The following SLC37A2 variants were observed in gnomAD, a reference collection of about 807,000 sequenced individuals.
The protein encoded by SLC37A2 is glucose-6-phosphate exchanger SLC37A2.
Under a neutral mutation model 70.7 loss-of-function variants are expected in SLC37A2, and 59 were observed. The observed-to-expected ratio is 0.83, with a 90% CI of 0.68 to 1.04. The LOEUF (loss-of-function observed/expected upper bound fraction) is 1.04, where lower values mean the gene tolerates loss of function less well. Among genes scored for constraint, SLC37A2 ranks in the 50% least tolerant of loss-of-function variants. SLC37A2 has a pLI of 0.00. For synonymous variants in SLC37A2, 257 were observed against 262.1 expected, an observed-to-expected ratio of 0.98 and a Z score of 0.19; for missense variants, 580 against 658.1, an observed-to-expected ratio of 0.88 and a Z score of 1.30.
intron 1 of SLC37A2, among the ~76,000 whole-genome samples, chr11:125,072,531 C>T (rs550898670): frequency 6.6e-6 from 1 of 152,234 alleles, no homozygotes; most frequent in East Asian, 1.9e-4. Flanking sequence ...CTGCCATCCC[C>T]CCGTCACAGC....
In SLC37A2 at chr11:125,088,517, T is replaced by C; in HGVS notation, c.*383T>C. On this transcript the variant is annotated 3_prime_UTR_variant, in exon 18 of 18. Transcript: ENST00000403796. ...CATCTCTCCTTCCCATGTTAAGCTTTAACCTCTGTAATCTGCCTGTATCTA... is the reference window on the plus strand; with the variant it reads ...CATCTCTCCTTCCCATGTTAAGCTTCAACCTCTGTAATCTGCCTGTATCTA... 5.0e-6 allele frequency: 1 copy of C among 199,840 alleles called. No individual in the cohort carries two copies. The highest frequency in any genetic ancestry group is 5.6e-5 in the Admixed American group (1 of 17,758). The allele number at this position is 199,840 out of a possible 1,614,324, so 12.4% of individuals were successfully genotyped here.
At position 125,070,512 on chromosome 11, in the gene SLC37A2, C is replaced by G. The variant is rs1949019575; in HGVS notation, c.60-6245C>G. ...CCAAGGTCACATTAAGTGGCAGAAC[C>G]AGAAATTAGGACTCAGCCAATTTTG... On this transcript the variant is annotated intron_variant, in intron 1 of 17. Coordinates refer to ENST00000403796, the MANE Select transcript of SLC37A2 (RefSeq NM_001145290.2). Among the ~76,000 whole-genome samples the G allele has an allele frequency of 3.3e-5, 5 of 152,296 alleles. No homozygotes were observed. In the South Asian group the frequency reaches 1.0e-3, roughly 32 times the overall value.
chr11:125,063,324 G>C lies in SLC37A2; in HGVS notation c.-44G>C. 1 of 1,565,520 alleles carries C rather than the reference G, an allele frequency of 6.4e-7. No homozygotes were observed. The highest frequency in any genetic ancestry group is 8.7e-7 in the Non-Finnish European group (1 of 1,143,110). ...CAGCCCGGGACACGCGCCCAGCTCT[G>C]TAGCCTCCTCCGTCGACTCAGCCTT... On this transcript the variant is annotated 5_prime_UTR_variant, in exon 1 of 18. Coordinates refer to ENST00000403796, the MANE Select transcript of SLC37A2 (RefSeq NM_001145290.2). The surrounding 1 kb of genome is among the most constrained non-coding windows in gnomAD (Gnocchi z 5.4).
Position 125,063,677 on chromosome 11 carries a change from T to C in SLC37A2, c.59+251T>C, listed in dbSNP as rs1948953514. 6.6e-6 allele frequency among the ~76,000 whole-genome samples: 1 copy of C among 152,190 alleles called. No homozygotes were observed. The highest frequency in any genetic ancestry group is 2.1e-4 in the South Asian group (1 of 4,834). On this transcript the variant is annotated intron_variant, in intron 1 of 17. Transcript: ENST00000403796. The surrounding 1 kb of genome is among the most constrained non-coding windows in gnomAD (Gnocchi z 5.4). The stretch of plus-strand genomic sequence containing the variant: ...TCGGTGACACTGGGGAAGAACAGGC[T>C]GCCAGGGAGGGTCTCCATCGTTTCC...
intron 2 of SLC37A2, 57 bp downstream of exon 2, chr11:125,076,895 A>C: frequency 6.4e-7 from 1 of 1,562,512 alleles, no homozygotes; most frequent in Non-Finnish European, 8.8e-7. Flanking sequence ...AACCGTCCTT[A>C]CCCCTTCCCA....
intron 4 of SLC37A2, among the ~76,000 whole-genome samples, chr11:125,078,123 C>T (rs1035998890): frequency 1.3e-5 from 2 of 152,148 alleles, no homozygotes; most frequent in Non-Finnish European, 2.9e-5. Flanking sequence ...ATGCAAGGGA[C>T]TTGGGTGCGG....
intron 10 of SLC37A2, 80 bp downstream of exon 10, chr11:125,082,414 T>C: frequency 8.6e-7 from 1 of 1,167,760 alleles, no homozygotes; most frequent in Admixed American, 1.7e-5. Context: ...CCCGTCGTGG[T>C]GATGCCTGTG....
Position 125,079,716 on chromosome 11 carries a change from G to A in SLC37A2, c.483G>A (p.Trp161Ter). The A allele has an allele frequency of 6.2e-7, 1 of 1,609,382 alleles. No homozygotes were observed. Among genetic ancestry groups the A allele is most frequent in the Non-Finnish European group, 8.5e-7 (1 of 1,177,828 alleles). Residue 161 changes from tryptophan to a stop codon, truncating the protein, a stop_gained, in exon 6 of 18, where the codon TGG (tryptophan) becomes TGA (stop). Coordinates refer to ENST00000403796, the MANE Select transcript of SLC37A2 (RefSeq NM_001145290.2). LOFTEE classifies it high-confidence loss of function. ...VCNGLVQTTG[W>*]PSVVTCVGNW... ...ATGGACTCGTCCAGACCACAGGCTG[G>A]CCCTCTGTGGTGACCTGTGTTGGCA...
At chr11:125,064,521 C>T (rs116519042) in intron 1 of SLC37A2, among the ~76,000 whole-genome samples, 4,308 of 152,236 alleles carry the variant, frequency 0.028, 204 homozygotes, top group African/African-American at 0.098. Context: ...TGTCGGCAAC[C>T]CTCTCAATCC....
At chr11:125,073,229 G>A (rs1949047997) in intron 1 of SLC37A2, among the ~76,000 whole-genome samples, 1 of 152,160 alleles carries the variant, frequency 6.6e-6, no homozygotes, top group Admixed American at 6.5e-5. Flanking sequence ...CCCCGGGGCT[G>A]GAGTCTCCCC....
At chr11:125,086,583 C>G in intron 17 of SLC37A2, 2 of 367,710 alleles carry the variant, frequency 5.4e-6, no homozygotes, top group Non-Finnish European at 1.0e-5. Context: ...GTTCAGAAAC[C>G]AAGGTCATCT....
chr11:125,086,133 G>C, intron 17 of SLC37A2, 115 bp downstream of exon 17: 3 of 1,528,088 alleles, frequency 2.0e-6, no homozygotes, highest in Non-Finnish European at 2.7e-6. Flanking sequence ...GACCTGAGGA[G>C]CACTGAGCCA....
rs1948951614 is a variant in SLC37A2, at chr11:125,063,520, C to T, written c.59+94C>T. On this transcript the variant is annotated intron_variant, in intron 1 of 17. Transcript: ENST00000403796. The surrounding 1 kb of genome is among the most constrained non-coding windows in gnomAD (Gnocchi z 5.4). Reference sequence around the variant, plus strand: ...GCCTCGGAGATCACCCCAGATCGGCCCCGGCGTCGCCGCGTGGCCAGGGGT... The same window carrying T: ...GCCTCGGAGATCACCCCAGATCGGCTCCGGCGTCGCCGCGTGGCCAGGGGT... 2.5e-6 allele frequency: 3 copies of T among 1,201,632 alleles called. No homozygotes were observed. Among genetic ancestry groups the T allele is most frequent in the Non-Finnish European group, 3.5e-6 (3 of 860,052 alleles). 74.4% of individuals were successfully genotyped at this position (1,201,632 alleles called of 1,614,324 possible).
chr11:125,089,367 C>G lies in SLC37A2; in HGVS notation c.*1233C>G, dbSNP rs1308455446. The G allele has an allele frequency of 6.4e-6, 1 of 155,546 alleles. No individual in the cohort carries two copies. The highest frequency in any genetic ancestry group is 1.9e-4 in the East Asian group (1 of 5,318). The allele number at this position is 155,546 out of a possible 1,614,324, so 9.6% of individuals were successfully genotyped here. A position where few individuals can be genotyped will look rare whatever the true frequency, so the allele number is the denominator to read the frequency against. ...CACAGCCCTCGCTCGCTCTCGGCGCCTCCTCTGCCTGGGCTCCCACTTTGG... is the reference window on the plus strand; with the variant it reads ...CACAGCCCTCGCTCGCTCTCGGCGCGTCCTCTGCCTGGGCTCCCACTTTGG... On this transcript the variant is annotated 3_prime_UTR_variant, in exon 18 of 18. Coordinates refer to ENST00000403796, the MANE Select transcript of SLC37A2 (RefSeq NM_001145290.2).
chr11:125,082,045 G>A, intron 9 of SLC37A2, 139 bp downstream of exon 9: 1 of 1,084,970 alleles, frequency 9.2e-7, no homozygotes, highest in Non-Finnish European at 1.3e-6. Flanking sequence ...GCCTGCTTGG[G>A]GAGGGCAGTG....
chr11:125,086,332 C>T (rs1194015736), intron 17 of SLC37A2: 2 of 1,172,858 alleles, frequency 1.7e-6, no homozygotes, highest in African/African-American at 3.0e-5. Context: ...CTCTGTCCTG[C>T]AGTATGACTT....
At chr11:125,082,451 C>A in intron 10 of SLC37A2, 117 bp downstream of exon 10, 1 of 868,654 alleles carries the variant, frequency 1.2e-6, no homozygotes, top group Non-Finnish European at 1.9e-6. Context: ...AGAATTCCTG[C>A]TGAACCTCTC....
chr11:125,064,290 G>A (rs145129584), intron 1 of SLC37A2, among the ~76,000 whole-genome samples: 2,201 of 152,240 alleles, frequency 0.014, 53 homozygotes, highest in African/African-American at 0.05. Flanking sequence ...GAGGCCAGGA[G>A]TTCGAGACCA....
intron 17 of SLC37A2, chr11:125,086,401 G>A: frequency 1.3e-6 from 1 of 750,134 alleles, no homozygotes; most frequent in East Asian, 2.5e-5. Context: ...CCTCAGCAGA[G>A]CATGGTGCTT....
Sources: allele counts gnomAD v4.1 joint callset (sites outside exome capture counted in the v4.1 genomes callset), GRCh38; gene constraint gnomAD v4.1.1; non-coding constraint Gnocchi (gnomAD v3.1); transcripts MANE v1.5; gene names NCBI Gene and HGNC (gene_info 2026-07-23, HGNC 2026-07-21).